Variants in ADCY2 observed in about 807,000 individuals in gnomAD.
The protein encoded by ADCY2 is adenylate cyclase type 2.
A neutral mutation model predicts 125.2 loss-of-function variants in ADCY2; 31 were observed. The ratio of observed to expected loss-of-function variants is 0.25; its 90% CI spans 0.19 to 0.33. The LOEUF (loss-of-function observed/expected upper bound fraction) is 0.33. Ranked by LOEUF, ADCY2 falls within the 10% of genes least tolerant of loss-of-function variation. The pLI, the probability that ADCY2 is intolerant of heterozygous loss-of-function variation, is 1.00. For missense variants in ADCY2, 904 were observed against 1,418.2 expected, an observed-to-expected ratio of 0.64 and a Z score of 5.82; for synonymous variants, 512 against 548.4, an observed-to-expected ratio of 0.93 and a Z score of 0.93.
Position 7,754,582 on chromosome 5 carries a change from G to A in ADCY2, c.1957-2867G>A, listed in dbSNP as rs189059598. 3.8e-3 allele frequency among the ~76,000 whole-genome samples: 573 copies of A among 152,188 alleles called. 4 individuals carry two copies. The highest frequency in any genetic ancestry group is 0.013 in the African/African-American group (536 of 41,496). ...ATATATAAATACTGTCTTAATTTGT[G>A]AGAATCAAACCAAATGCCATTATCT... is the stretch of plus-strand genomic sequence containing the variant. On this transcript the variant is annotated intron_variant, in intron 15 of 24. Transcript: ENST00000338316.
In ADCY2 at chr5:7,827,101, G is replaced by A. The variant is rs898301458; in HGVS notation, c.*230G>A. On this transcript the variant is annotated 3_prime_UTR_variant, in exon 25 of 25. Transcript: ENST00000338316. The stretch of plus-strand genomic sequence containing the variant: ...TAAGCAAAAGGGAAAAGGAGCGCGC[G>A]TGATAGAAGAAAAGCACTGGGAGAA... 3.8e-5 allele frequency: 18 copies of A among 472,456 alleles called. No homozygotes were observed. The highest frequency in any genetic ancestry group is 8.3e-5 in the South Asian group (2 of 24,180). The allele number at this position is 472,456 out of a possible 1,614,324, so 29.3% of individuals were successfully genotyped here.
chr5:7,661,370 C>T (rs1053277445), intron 4 of ADCY2, among the ~76,000 whole-genome samples: 1 of 152,052 alleles, frequency 6.6e-6, no homozygotes, highest in African/African-American at 2.4e-5. Context: ...AAAATGCATA[C>T]TTGGCAAAAG....
At chr5:7,457,527 T>C (rs1561036390) in intron 2 of ADCY2, among the ~76,000 whole-genome samples, 1 of 152,156 alleles carries the variant, frequency 6.6e-6, no homozygotes, top group East Asian at 1.9e-4. Flanking sequence ...TCCTTTTCTG[T>C]TGACTACCCC....
At chr5:7,521,854 A>G (rs1579532279) in intron 3 of ADCY2, among the ~76,000 whole-genome samples, 1 of 152,098 alleles carries the variant, frequency 6.6e-6, no homozygotes, top group South Asian at 2.1e-4. Context: ...TTATCACATC[A>G]CATTCATTAA....
At chr5:7,514,721 A>T (rs1744193556) in intron 2 of ADCY2, among the ~76,000 whole-genome samples, 1 of 152,202 alleles carries the variant, frequency 6.6e-6, no homozygotes, top group African/African-American at 2.4e-5. Flanking sequence ...GGAAATTTGG[A>T]CAGAGATACA....
intron 3 of ADCY2, among the ~76,000 whole-genome samples, chr5:7,613,157 T>TA (rs200650029): frequency 6.8e-4 from 92 of 135,680 alleles, no homozygotes; most frequent in Admixed American, 8.7e-4. Flanking sequence ...TAAAGTATAA[T>TA]AATAAAAAAA....
intron 6 of ADCY2, among the ~76,000 whole-genome samples, chr5:7,697,766 C>T (rs1321544175): frequency 6.6e-6 from 1 of 152,096 alleles, no homozygotes; most frequent in Non-Finnish European, 1.5e-5. Context: ...TCAGAAGTGA[C>T]ATATCTGCAG....
chr5:7,607,822 A>G (rs1262381561), intron 3 of ADCY2, among the ~76,000 whole-genome samples: 1 of 152,212 alleles, frequency 6.6e-6, no homozygotes, highest in Non-Finnish European at 1.5e-5. Context: ...AAGATACATA[A>G]ACTAAGAAGG....
intron 17 of ADCY2, 116 bp from the exon 18 acceptor site, chr5:7,772,816 C>T: frequency 1.1e-6 from 1 of 929,406 alleles, no homozygotes; most frequent in South Asian, 2.2e-5. Flanking sequence ...CCTCTGTTTT[C>T]ACAGCCACCT....
At chr5:7,530,875 C>T (rs889595624) in intron 3 of ADCY2, among the ~76,000 whole-genome samples, 1 of 152,130 alleles carries the variant, frequency 6.6e-6, no homozygotes, top group Non-Finnish European at 1.5e-5. Context: ...CCTACCCCTT[C>T]CCTGCCTGGC....
chr5:7,754,667 A>G (rs752118222), intron 15 of ADCY2, among the ~76,000 whole-genome samples: 18 of 151,964 alleles, frequency 1.2e-4, no homozygotes, highest in Non-Finnish European at 2.4e-4. Context: ...TTCATATTGT[A>G]TTATAGGTTG....
chr5:7,767,677 T>G (rs1038890611), intron 17 of ADCY2, among the ~76,000 whole-genome samples: 2 of 152,080 alleles, frequency 1.3e-5, no homozygotes, highest in Admixed American at 6.5e-5. Context: ...TTTGCTCTGG[T>G]CCTTTTTCCC....
chr5:7,534,852 C>A (rs1321123360), intron 3 of ADCY2, among the ~76,000 whole-genome samples: 1 of 152,168 alleles, frequency 6.6e-6, no homozygotes, highest in South Asian at 2.1e-4. Flanking sequence ...GGGGGCCTCC[C>A]CCTGTTATAT....
intron 3 of ADCY2, among the ~76,000 whole-genome samples, chr5:7,559,968 A>G (rs913914445): frequency 9.2e-5 from 14 of 152,228 alleles, no homozygotes; most frequent in Non-Finnish European, 2.1e-4. Context: ...ATCATTTATG[A>G]TAGTAAACTA....
rs566551399 is a variant in ADCY2 at position 7,827,980 on chromosome 5, G to A, written c.*1109G>A. The A allele has an allele frequency of 1.3e-5, 2 of 152,754 alleles. No individual in the cohort carries two copies. The highest frequency in any genetic ancestry group is 2.9e-5 in the Non-Finnish European group (2 of 68,046). 9.5% of individuals were successfully genotyped at this position (152,754 alleles called of 1,614,324 possible). ...GTGAGCTAACTGAGAGAAGTACTAAGACCCACAAACTGCCTGTTAAGTCTG... is the reference window on the plus strand; with the variant it reads ...GTGAGCTAACTGAGAGAAGTACTAAAACCCACAAACTGCCTGTTAAGTCTG... On this transcript the variant is annotated 3_prime_UTR_variant, in exon 25 of 25. Coordinates refer to ENST00000338316, the MANE Select transcript of ADCY2 (RefSeq NM_020546.3).
intron 2 of ADCY2, among the ~76,000 whole-genome samples, chr5:7,493,599 T>G (rs978436215): frequency 6.6e-6 from 1 of 152,124 alleles, no homozygotes; most frequent in Non-Finnish European, 1.5e-5. Flanking sequence ...CTAGAAGATG[T>G]GAAGACAGTA....
chr5:7,797,612 C>G (rs906921669), intron 20 of ADCY2: 2 of 152,246 alleles, frequency 1.3e-5, no homozygotes, highest in Admixed American at 1.3e-4. Context: ...GTGTGTGTAA[C>G]AGGGCGTCAG....
At chr5:7,743,900 GT>G in intron 15 of ADCY2, 148 bp downstream of exon 15, 1 of 688,980 alleles carries the variant, frequency 1.5e-6, no homozygotes, top group Admixed American at 2.8e-5. Context: ...CACCCTTCAG[GT>G]CTATAACCAG....
intron 14 of ADCY2, among the ~76,000 whole-genome samples, chr5:7,733,722 C>T (rs1219209144): frequency 6.6e-6 from 1 of 152,104 alleles, no homozygotes; most frequent in Non-Finnish European, 1.5e-5. Context: ...GGGATAAGCT[C>T]CCCCAAGTAG....
Sources: gnomAD v4.1 joint callset for allele counts (sites outside exome capture counted in the v4.1 genomes callset) on GRCh38, gnomAD v4.1.1 for gene constraint, MANE v1.5 for transcripts, NCBI Gene and HGNC (gene_info 2026-07-23, HGNC 2026-07-21) for gene names.